Variants in TFPI2 observed in about 807,000 individuals in gnomAD.
TFPI2 encodes the protein tissue factor pathway inhibitor 2, also known as placental protein 5.
Under a neutral mutation model 23.1 loss-of-function variants are expected in TFPI2, and 23 were observed. That is an observed-to-expected ratio of 1.00 (90% CI 0.72 to 1.41). The LOEUF is 1.41. TFPI2 is among the 40% of genes most tolerant of loss of function. TFPI2 has a pLI of 0.00. For missense variants in TFPI2, 291 were observed against 299.6 expected, an observed-to-expected ratio of 0.97 and a Z score of 0.21; for synonymous variants, 119 against 111.7, an observed-to-expected ratio of 1.07 and a Z score of -0.41.
chr7:93,888,549 G>GAAGGAAGGA (rs1407367823), intron 3 of TFPI2, among the ~76,000 whole-genome samples: 4 of 64,912 alleles, frequency 6.2e-5, no homozygotes, highest in African/African-American at 3.0e-4. Flanking sequence ...AGGAAAGAAG[G>GAAGGAAGGA]AAGGAAGGAA....
At position 93,890,523 on chromosome 7, in the gene TFPI2, C is replaced by T. The variant is rs1348022290; in HGVS notation, c.88+68G>A. On this transcript the variant is annotated intron_variant, in intron 1 of 4. Coordinates refer to ENST00000222543, the MANE Select transcript of TFPI2 (RefSeq NM_006528.4). ...AAGCGAGGCTTGGAGGGCGCCTACA[C>T]GGGGCCCCATGGCCCGCTGCGCCCT... The T allele has an allele frequency of 6.5e-6, 10 of 1,531,422 alleles. No homozygotes were observed. In the Admixed American group the frequency reaches 1.7e-4, roughly 26 times the overall value. The allele number at this position is 1,531,422 out of a possible 1,614,324, so 94.9% of individuals were successfully genotyped here. A position where few individuals can be genotyped will look rare whatever the true frequency, so the allele number is the denominator to read the frequency against.
rs1562779007 is a variant in TFPI2, at chr7:93,889,224, C to G, written c.272-1G>C. The G allele has an allele frequency of 6.3e-7, 1 of 1,576,776 alleles. No homozygotes were observed. The highest frequency in any genetic ancestry group is 8.6e-7 in the Non-Finnish European group (1 of 1,163,014). ...TGCAGCCGGCAAACTTTGGGAACTT[C>G]TAGGAAAAGGAGGGTAATAGAACAA... On this transcript the variant is annotated splice_acceptor_variant, in intron 2 of 4. Transcript: ENST00000222543. LOFTEE classifies it high-confidence loss of function.
At chr7:93,887,540 T>C in intron 3 of TFPI2, 109 bp from the exon 4 acceptor site, 1 of 822,810 alleles carries the variant, frequency 1.2e-6, no homozygotes, top group Middle Eastern at 3.3e-4. Flanking sequence ...AGCCTCAGTC[T>C]GAATCCAAAA....
chr7:93,887,166 T>C (rs1043691058), intron 4 of TFPI2, 95 bp downstream of exon 4: 15 of 1,240,978 alleles, frequency 1.2e-5, no homozygotes, highest in Non-Finnish European at 1.5e-5. Context: ...GAAACAGCAA[T>C]TTGCTATTAG....
chr7:93,888,495 AAAAAG>A (rs1313614735), intron 3 of TFPI2, among the ~76,000 whole-genome samples: 1 of 150,398 alleles, frequency 6.6e-6, no homozygotes, highest in African/African-American at 2.5e-5. Flanking sequence ...CGTCGAAAGA[AAAAAG>A]AAAGAAAGAA....
Position 93,889,114 on chromosome 7 carries a change from G to C in TFPI2, c.381C>G (p.Ser127=). The part of the protein sequence containing the change: ...LSSMTCEKFF[S]GGCHRNRIEN... ...CAATCCGGTTCCGGTGACACCCACCGGAAAAGAATTTTTCACATGTCATGG... is the reference window on the plus strand; with the variant it reads ...CAATCCGGTTCCGGTGACACCCACCCGAAAAGAATTTTTCACATGTCATGG... Residue 127 remains serine (S), a synonymous_variant, in exon 3 of 5, where the codon TCC becomes TCG. Transcript: ENST00000222543. 1 of 1,612,626 alleles carries C rather than the reference G, an allele frequency of 6.2e-7. No individual in the cohort carries two copies. Among genetic ancestry groups the C allele is most frequent in the Non-Finnish European group, 8.5e-7 (1 of 1,179,480 alleles).
At chr7:93,887,816 C>A (rs1486016369) in intron 3 of TFPI2, among the ~76,000 whole-genome samples, 2 of 152,168 alleles carry the variant, frequency 1.3e-5, no homozygotes, top group Admixed American at 6.5e-5. Flanking sequence ...AGCTCTCATT[C>A]CATTATTAAT....
chr7:93,889,340 G>T, intron 2 of TFPI2, 117 bp from the exon 3 acceptor site: 1 of 916,666 alleles, frequency 1.1e-6, no homozygotes, highest in Non-Finnish European at 1.6e-6. Context: ...TGTTGGGATA[G>T]TAAATACCCA....
At chr7:93,888,586 A>AAGG (rs1441310969) in intron 3 of TFPI2, among the ~76,000 whole-genome samples, 11,152 of 117,894 alleles carry the variant, frequency 0.095, 1,093 homozygotes, top group African/African-American at 0.28. Flanking sequence ...GGAAGGAAGG[A>AAGG]AAGAGAAAGA....
intron 3 of TFPI2, among the ~76,000 whole-genome samples, chr7:93,888,270 A>G (rs1305333207): frequency 1.3e-5 from 2 of 152,214 alleles, no homozygotes; most frequent in African/African-American, 2.4e-5. Flanking sequence ...TCTCACATGT[A>G]TAACTTATTG....
chr7:93,889,152 A>G lies in TFPI2; in HGVS notation c.343T>C (p.Phe115Leu). The change falls in exon 3 of 5, where the codon TTT (phenylalanine) becomes CTT (leucine). Residue 115 changes from phenylalanine to leucine, a missense_variant. Coordinates refer to ENST00000222543, the MANE Select transcript of TFPI2 (RefSeq NM_006528.4). ...TCACATGTCATGGAACTTAGATTAAAGAAATACTTTTCTGTGGACCCCTCA... is the reference window on the plus strand; with the variant it reads ...TCACATGTCATGGAACTTAGATTAAGGAAATACTTTTCTGTGGACCCCTCA... The part of the protein sequence containing the change: ...QCEGSTEKYF[F>L]NLSSMTCEKF... 3 of 1,613,542 alleles carry G rather than the reference A, an allele frequency of 1.9e-6. No individual in the cohort carries two copies. Among genetic ancestry groups the G allele is most frequent in the Non-Finnish European group, 2.5e-6 (3 of 1,179,810 alleles).
chr7:93,887,269 C>T lies in TFPI2; in HGVS notation c.623G>A (p.Cys208Tyr), dbSNP rs769863653. The stretch of plus-strand genomic sequence containing the variant: ...AAGAAAACATTCACTACCTTTTGCA[C>T]ATGCACGTTTGCAATCCTCCCTGCT... Reference protein sequence around the residue: ...FVSREDCKRACAKALKKKKKM... With the variant: ...FVSREDCKRAYAKALKKKKKM... Residue 208 changes from cysteine (C) to tyrosine (Y), a missense_variant, in exon 4 of 5, where the codon TGT becomes TAT. By Grantham distance (194) the Cys-to-Tyr change is radical. Transcript: ENST00000222543. The T allele has an allele frequency of 6.2e-7, 1 of 1,609,814 alleles. No homozygotes were observed. Among genetic ancestry groups the T allele is most frequent in the Non-Finnish European group, 8.5e-7 (1 of 1,178,380 alleles).
rs1489620422 is a variant in TFPI2 at position 93,885,424 on chromosome 7, TATTA to T, written c.*1392_*1395del. 1.3e-5 allele frequency: 2 copies of T among 152,060 alleles called. No individual in the cohort carries two copies. Among genetic ancestry groups the T allele is most frequent in the Non-Finnish European group, 2.9e-5 (2 of 67,946 alleles). The allele number at this position is 152,060 out of a possible 1,614,324, so 9.4% of individuals were successfully genotyped here. A position where few individuals can be genotyped will look rare whatever the true frequency, so the allele number is the denominator to read the frequency against. On this transcript the variant is annotated 3_prime_UTR_variant, in exon 5 of 5. Transcript: ENST00000222543. ...TTTTTCTTTTTTATTTAATTTTGAT[TATTA>T]ATTATGTCAAATATTTACATGGTCC... is the stretch of plus-strand genomic sequence containing the variant.
At position 93,890,171 on chromosome 7, in the gene TFPI2, C is replaced by A. The variant is rs1186680892; in HGVS notation, c.237G>T (p.Trp79Cys). The part of the protein sequence containing the change: ...CEGNANNFYT[W>C]EACDDACWRI... ...TCCAGCAAGCATCGTCGCAAGCCTCCCAGGTGTAGAAATTGTTGGCGTTGC... is the reference window on the plus strand; with the variant it reads ...TCCAGCAAGCATCGTCGCAAGCCTCACAGGTGTAGAAATTGTTGGCGTTGC... Residue 79 changes from tryptophan to cysteine, a missense_variant, in exon 2 of 5, where the codon TGG becomes TGT. Trp to Cys is a radical substitution (Grantham distance 215). Coordinates refer to ENST00000222543, the MANE Select transcript of TFPI2 (RefSeq NM_006528.4). 1.9e-6 allele frequency: 3 copies of A among 1,612,740 alleles called. No homozygotes were observed. The highest frequency in any genetic ancestry group is 2.5e-6 in the Non-Finnish European group (3 of 1,179,000).
At chr7:93,887,977 C>T (rs1047603630) in intron 3 of TFPI2, among the ~76,000 whole-genome samples, 2 of 152,230 alleles carry the variant, frequency 1.3e-5, no homozygotes, top group African/African-American at 4.8e-5. Context: ...ATCAAATTCT[C>T]TGCCAAAGCA....
intron 3 of TFPI2, 85 bp downstream of exon 3, chr7:93,888,950 G>A (rs1014339153): frequency 8.0e-7 from 1 of 1,245,422 alleles, no homozygotes; most frequent in East Asian, 2.4e-5. Flanking sequence ...AAATGCACAT[G>A]TTAATTTCGC....
chr7:93,890,381 G>A (rs1181822139), intron 1 of TFPI2, 62 bp from the exon 2 acceptor site: 5 of 1,539,610 alleles, frequency 3.2e-6, no homozygotes, highest in African/African-American at 1.4e-5. Flanking sequence ...GCTCCTAGGA[G>A]GAAAGAACAT....
rs756674055 is a variant in TFPI2 at position 93,890,642 on chromosome 7, G to A, written c.37C>T (p.Leu13=). 6.2e-6 allele frequency: 10 copies of A among 1,613,438 alleles called. No individual in the cohort carries two copies. Among genetic ancestry groups the A allele is most frequent in the African/African-American group, 2.7e-5 (2 of 75,030 alleles). Residue 13 remains leucine, a synonymous_variant, in exon 1 of 5, where the codon CTG becomes TTG. Transcript: ENST00000222543. Reference sequence around the variant, plus strand: ...AGTGCAGCCTCCGTCAGGAAAAGCAGCAGAATCGACAGCCCCAGGGGGCGA... The same window carrying A: ...AGTGCAGCCTCCGTCAGGAAAAGCAACAGAATCGACAGCCCCAGGGGGCGA... ...PARPLGLSIL[L]LFLTEAALGD...
intron 2 of TFPI2, among the ~76,000 whole-genome samples, chr7:93,889,680 A>ATG (rs1180605606): frequency 4.6e-5 from 7 of 152,220 alleles, no homozygotes; most frequent in Non-Finnish European, 1.0e-4. Flanking sequence ...TATCGGGACA[A>ATG]AAGTAGAGTT....
Sources: allele counts gnomAD v4.1 joint callset (sites outside exome capture counted in the v4.1 genomes callset), GRCh38; gene constraint gnomAD v4.1.1; transcripts MANE v1.5; gene names NCBI Gene and HGNC (gene_info 2026-07-23, HGNC 2026-07-21).